The following CCDC34 variants were observed in gnomAD, a reference collection of about 807,000 sequenced individuals.
CCDC34 encodes the protein coiled-coil domain containing 34, also known as coiled-coil domain-containing protein 34.
A neutral mutation model predicts 44.1 loss-of-function variants in CCDC34; 40 were observed. That is an observed-to-expected ratio of 0.91 (90% CI 0.70 to 1.18). The LOEUF is 1.18. Ranked by LOEUF, CCDC34 falls within the 50% of genes most tolerant of loss-of-function variation. CCDC34 has a pLI of 0.00. For synonymous variants in CCDC34, 159 were observed against 158.2 expected, an observed-to-expected ratio of 1.01 and a Z score of -0.04; for missense variants, 466 against 452.3, an observed-to-expected ratio of 1.03 and a Z score of -0.28.
chr11:27,358,960 C>A (rs1484397298), intron 1 of CCDC34, among the ~76,000 whole-genome samples: 3 of 25,644 alleles, frequency 1.2e-4, no homozygotes, highest in Non-Finnish European at 4.6e-4. Context: ...ACATGTGGAC[C>A]CCCCCCCCCC....
Position 27,362,927 on chromosome 11 carries a change from C to T in CCDC34, c.268G>A (p.Val90Met), listed in dbSNP as rs1260717971. 1.2e-6 allele frequency: 2 copies of T among 1,613,964 alleles called. No individual in the cohort carries two copies. The highest frequency in any genetic ancestry group is 1.7e-6 in the Non-Finnish European group (2 of 1,179,994). ...DDGDGEDEED[V>M]DDEEDVDEDA... ...TCATCCACGTCTTCCTCATCATCCA[C>T]GTCTTCCTCATCCTCCCCGTCACCG... is the stretch of plus-strand genomic sequence containing the variant. The change falls in exon 1 of 6, where the codon GTG becomes ATG. Residue 90 changes from valine (V) to methionine (M), a missense_variant. Physicochemically the swap from Val to Met is conservative, Grantham distance 21 (BLOSUM62 1). Coordinates refer to ENST00000328697, the MANE Select transcript of CCDC34 (RefSeq NM_030771.2).
At chr11:27,341,368 A>T (rs750793174) in intron 4 of CCDC34, 24 bp downstream of exon 4, 1 of 1,399,236 alleles carries the variant, frequency 7.1e-7, no homozygotes, top group Non-Finnish European at 9.7e-7. Flanking sequence ...TATGTATTCT[A>T]ACTGGTCACT....
At chr11:27,351,071 T>C (rs1210612746) in intron 2 of CCDC34, among the ~76,000 whole-genome samples, 7 of 152,212 alleles carry the variant, frequency 4.6e-5, no homozygotes, top group Admixed American at 4.6e-4. Context: ...GTGAAAGGTA[T>C]GGCCAAATAA....
chr11:27,349,237 A>G (rs1862473403), intron 3 of CCDC34: 9 of 949,338 alleles, frequency 9.5e-6, no homozygotes, highest in Non-Finnish European at 1.1e-5. Context: ...TAACAGTCAC[A>G]GAGATTTATT....
At chr11:27,353,074 A>G (rs1280518935) in intron 2 of CCDC34, among the ~76,000 whole-genome samples, 6 of 152,216 alleles carry the variant, frequency 3.9e-5, no homozygotes. Context: ...ATAGCTATTA[A>G]TATTTTCCCG....
In CCDC34 at chr11:27,358,967, C is replaced by CG. The variant is rs201251870; in HGVS notation, c.360-1427_360-1426insC. ...CCTTGTCAACATGTGGACCCCCCCC[C>CG]CCCACCGCCACCACCTCCCATACCC... On this transcript the variant is annotated intron_variant, in intron 1 of 5. Coordinates refer to ENST00000328697, the MANE Select transcript of CCDC34 (RefSeq NM_030771.2). Among the ~76,000 whole-genome samples, 9 of 135,212 alleles carry CG rather than the reference C, an allele frequency of 6.7e-5. 1 individual carries two copies. The South Asian group carries it at 8.6e-4, about 13-fold the overall frequency. 88.7% of individuals were successfully genotyped at this position (135,212 alleles called of 152,430 possible). A position where few individuals can be genotyped will look rare whatever the true frequency, so the allele number is the denominator to read the frequency against.
chr11:27,360,095 A>G (rs1862640479), intron 1 of CCDC34, among the ~76,000 whole-genome samples: 1 of 152,242 alleles, frequency 6.6e-6, no homozygotes, highest in Admixed American at 6.5e-5. Context: ...AATATTTATA[A>G]CAAATGTGTT....
chr11:27,342,795 T>C (rs1355887616), intron 3 of CCDC34, among the ~76,000 whole-genome samples: 3 of 152,228 alleles, frequency 2.0e-5, no homozygotes, highest in African/African-American at 7.2e-5. Context: ...TGACACAGAC[T>C]ATAACTCAAT....
chr11:27,348,892 T>A (rs1862468908), intron 3 of CCDC34: 1 of 981,648 alleles, frequency 1.0e-6, no homozygotes, highest in South Asian at 4.7e-5. Context: ...TCAGTTTTAT[T>A]TTTAAATAAT....
At chr11:27,359,991 T>C (rs1352657965) in intron 1 of CCDC34, among the ~76,000 whole-genome samples, 3 of 152,216 alleles carry the variant, frequency 2.0e-5, no homozygotes, top group South Asian at 2.1e-4. Flanking sequence ...GTCTAGAATA[T>C]AGTAGGGTCC....
chr11:27,338,853 A>G lies in CCDC34; in HGVS notation c.1090T>C (p.Cys364Arg). Residue 364 changes from cysteine to arginine, a missense_variant, in exon 6 of 6, where the codon TGC (cysteine) becomes CGC (arginine). Coordinates refer to ENST00000328697, the MANE Select transcript of CCDC34 (RefSeq NM_030771.2). Reference sequence around the variant, plus strand: ...TGTATTCTGCACAGAGTTCCAAGGCAAAGATTGCTCCTGGCTTTATGAATT... The same window carrying G: ...TGTATTCTGCACAGAGTTCCAAGGCGAAGATTGCTCCTGGCTTTATGAATT... ...LVIHKARSNL[C>R]LGTLCRIQR is the part of the protein sequence containing the mutation. 6.2e-7 allele frequency: 1 copy of G among 1,613,794 alleles called. No individual in the cohort carries two copies. The highest frequency in any genetic ancestry group is 8.5e-7 in the Non-Finnish European group (1 of 1,179,846).
chr11:27,354,729 G>C (rs1446223707), intron 2 of CCDC34, among the ~76,000 whole-genome samples: 1 of 140,236 alleles, frequency 7.1e-6, no homozygotes, highest in Admixed American at 7.7e-5. Flanking sequence ...TTAGCCAGGC[G>C]TGGTAGCGTG....
intron 3 of CCDC34, chr11:27,349,610 C>T: frequency 1.0e-6 from 1 of 982,612 alleles, no homozygotes; most frequent in South Asian, 4.7e-5. Context: ...CAACAGAAGA[C>T]AAATTGACCA....
chr11:27,358,826 C>T (rs1862616258), intron 1 of CCDC34, among the ~76,000 whole-genome samples: 2 of 152,070 alleles, frequency 1.3e-5, no homozygotes, highest in Middle Eastern at 3.2e-3. Flanking sequence ...TACCATCCAC[C>T]CACCACCCTT....
At chr11:27,345,945 C>T (rs1296418151) in intron 3 of CCDC34, among the ~76,000 whole-genome samples, 3 of 152,008 alleles carry the variant, frequency 2.0e-5, no homozygotes, top group Non-Finnish European at 4.4e-5. Context: ...TCTCCAGCAC[C>T]TGTTGTTTCC....
chr11:27,362,190 T>C (rs958853421), intron 1 of CCDC34, among the ~76,000 whole-genome samples: 1 of 152,246 alleles, frequency 6.6e-6, no homozygotes, highest in Non-Finnish European at 1.5e-5. Flanking sequence ...GACTAATATG[T>C]GGCAAACAAT....
chr11:27,345,372 T>C (rs2133340910), intron 3 of CCDC34, among the ~76,000 whole-genome samples: 1 of 152,252 alleles, frequency 6.6e-6, no homozygotes, highest in South Asian at 2.1e-4. Context: ...GCCATGTTGG[T>C]GTGCTGCACC....
chr11:27,357,501 G>C lies in CCDC34; in HGVS notation c.400C>G (p.Gln134Glu). 1.2e-6 allele frequency: 2 copies of C among 1,613,918 alleles called. No homozygotes were observed. Among genetic ancestry groups the C allele is most frequent in the Non-Finnish European group, 1.7e-6 (2 of 1,179,916 alleles). The change falls in exon 2 of 6, where the codon CAG becomes GAG. Residue 134 changes from glutamine to glutamate, a missense_variant. Transcript: ENST00000328697. ...AGGCGGCTTTCTGGTAAGCGCACCTGTTTCTGTTCTTCTTGGTTATTTTCT... is the reference window on the plus strand; with the variant it reads ...AGGCGGCTTTCTGGTAAGCGCACCTCTTTCTGTTCTTCTTGGTTATTTTCT... ...ESENNQEEQK[Q>E]VRLPESRLTP...
At position 27,350,795 on chromosome 11, in the gene CCDC34, A is replaced by G. The variant is rs550978999; in HGVS notation, c.499-356T>C. ...CAAGAGAATTGCAACTTTTTTTTTT[A>G]AACAGTTATAAGAAGCTTCTGGATT... is the stretch of plus-strand genomic sequence containing the variant. On this transcript the variant is annotated intron_variant, in intron 2 of 5. Transcript: ENST00000328697. 9.9e-5 allele frequency among the ~76,000 whole-genome samples: 15 copies of G among 152,136 alleles called. No homozygotes were observed. The East Asian group carries it at 2.3e-3, about 23-fold the overall frequency.
Sources: allele counts gnomAD v4.1 joint callset (sites outside exome capture counted in the v4.1 genomes callset), GRCh38; gene constraint gnomAD v4.1.1; transcripts MANE v1.5; gene names NCBI Gene and HGNC (gene_info 2026-07-23, HGNC 2026-07-21).